The following MPP7 variants were observed in gnomAD, a reference collection of about 807,000 sequenced individuals.
The protein encoded by MPP7 is MAGUK p55 subfamily member 7.
MPP7 carries 60 observed loss-of-function variants against 76.5 expected under a neutral mutation model. The ratio of observed to expected loss-of-function variants is 0.78; its 90% CI spans 0.64 to 0.97. The LOEUF (loss-of-function observed/expected upper bound fraction) is 0.97, where lower values mean the gene tolerates loss of function less well. Ranked by LOEUF, MPP7 falls within the 50% of genes least tolerant of loss-of-function variation. The probability of loss-of-function intolerance (pLI) is 0.00; values close to 1 mark genes in which losing one functional copy is unlikely to be tolerated. For synonymous variants in MPP7, 237 were observed against 244.5 expected (o/e 0.97, Z 0.29); for missense variants, 641 against 694.0 (o/e 0.92, Z 0.86).
At chr10:28,321,511 T>C (rs1184073805) in intron 2 of MPP7, among the ~76,000 whole-genome samples, 1 of 152,234 alleles carries the variant, frequency 6.6e-6, no homozygotes, top group East Asian at 1.9e-4. Flanking sequence ...GTCAAACTGG[T>C]CTGCCTCATG....
intron 2 of MPP7, among the ~76,000 whole-genome samples, chr10:28,221,741 G>T (rs1838514745): frequency 6.6e-6 from 1 of 152,152 alleles, no homozygotes; most frequent in South Asian, 2.1e-4. Flanking sequence ...ACCTTAGGTA[G>T]TCTGTGCCTT....
chr10:28,288,750 G>A (rs1472277631), intron 1 of MPP7, among the ~76,000 whole-genome samples: 3 of 152,136 alleles, frequency 2.0e-5, no homozygotes, highest in Non-Finnish European at 2.9e-5. Flanking sequence ...TTGTTCAAGT[G>A]AGCCTTCAGG....
At chr10:28,223,689 A>C (rs1838595247) in intron 2 of MPP7, among the ~76,000 whole-genome samples, 1 of 152,084 alleles carries the variant, frequency 6.6e-6, no homozygotes, top group Non-Finnish European at 1.5e-5. Context: ...AAAAATAGTA[A>C]TGCAAACATA....
intron 11 of MPP7, among the ~76,000 whole-genome samples, chr10:28,095,729 TA>T (rs1437264560): frequency 1.9e-4 from 29 of 152,342 alleles, no homozygotes; most frequent in African/African-American, 7.0e-4. Flanking sequence ...GCAAAAGTTT[TA>T]GCAAGAGCTG....
intron 4 of MPP7, among the ~76,000 whole-genome samples, chr10:28,148,794 G>A (rs1835789776): frequency 6.6e-6 from 1 of 152,040 alleles, no homozygotes; most frequent in South Asian, 2.1e-4. Context: ...TTTTTATAAA[G>A]GAATATTTTT....
intron 3 of MPP7, among the ~76,000 whole-genome samples, chr10:28,164,425 T>C (rs1781835): frequency 0.75 from 113,474 of 151,898 alleles, 42,543 homozygotes; most frequent in Middle Eastern, 0.84. Flanking sequence ...AGGCTTTTCT[T>C]GGTGAGAACT....
At chr10:28,316,990 C>T (rs544158407) in intron 2 of MPP7, among the ~76,000 whole-genome samples, 3 of 152,160 alleles carry the variant, frequency 2.0e-5, no homozygotes, top group Admixed American at 1.3e-4. Flanking sequence ...GCTGTACCCA[C>T]GCATGTATGT....
chr10:28,235,813 T>C (rs1416034461), intron 2 of MPP7, among the ~76,000 whole-genome samples: 2 of 152,238 alleles, frequency 1.3e-5, no homozygotes. Flanking sequence ...AGAAATGTTA[T>C]TATTTAAGGA....
upstream of MPP7, among the ~76,000 whole-genome samples, chr10:28,303,842 A>G (rs747853305): frequency 6.6e-6 from 1 of 152,332 alleles, no homozygotes; most frequent in Non-Finnish European, 1.5e-5. Flanking sequence ...CTCTTAAAGA[A>G]CTTTACATAT....
chr10:28,153,440 C>G (rs561638840), intron 3 of MPP7, among the ~76,000 whole-genome samples: 1 of 151,910 alleles, frequency 6.6e-6, no homozygotes, highest in Non-Finnish European at 1.5e-5. Context: ...AGTCAGGACA[C>G]GCTAAAATAT....
intron 1 of MPP7, among the ~76,000 whole-genome samples, chr10:28,257,458 A>T (rs1184299231): frequency 1.3e-5 from 2 of 151,882 alleles, no homozygotes; most frequent in African/African-American, 4.8e-5. Flanking sequence ...ACATGGATGA[A>T]ATTGGAAATC....
chr10:28,150,120 C>T (rs1459853473), intron 3 of MPP7, 61 bp from the exon 4 acceptor site: 2 of 1,135,448 alleles, frequency 1.8e-6, no homozygotes, highest in Non-Finnish European at 2.6e-6. Flanking sequence ...GATAGCTGCA[C>T]ATTTTTATAC....
intron 2 of MPP7, among the ~76,000 whole-genome samples, chr10:28,223,229 T>C (rs528267968): frequency 1.9e-4 from 29 of 152,316 alleles, no homozygotes; most frequent in Middle Eastern, 3.4e-3. Context: ...TCACTTGTTA[T>C]AGCATTTTCT....
intron 12 of MPP7, among the ~76,000 whole-genome samples, chr10:28,084,484 C>A (rs1852911335): frequency 6.6e-6 from 1 of 152,126 alleles, no homozygotes; most frequent in Non-Finnish European, 1.5e-5. Flanking sequence ...GCTCTCTGAC[C>A]CCACCTCAGG....
chr10:28,118,335 A>G, intron 11 of MPP7: 1 of 975,522 alleles, frequency 1.0e-6, no homozygotes, highest in Non-Finnish European at 1.2e-6. Flanking sequence ...ATGAAAATTT[A>G]TAATAATATC....
intron 6 of MPP7, 80 bp downstream of exon 6, chr10:28,131,480 T>G (rs1253355169): frequency 1.5e-5 from 18 of 1,208,004 alleles, no homozygotes; most frequent in Non-Finnish European, 1.1e-6. Context: ...GGAAGTATAT[T>G]TTAAAGAGTT....
intron 2 of MPP7, among the ~76,000 whole-genome samples, chr10:28,212,609 A>C (rs986386308): frequency 4.9e-4 from 74 of 152,300 alleles, no homozygotes; most frequent in African/African-American, 1.7e-3. Context: ...CAGGAGCATG[A>C]GTGTAGACAC....
intron 2 of MPP7, among the ~76,000 whole-genome samples, chr10:28,314,281 GTTCAC>G (rs1841306818): frequency 6.6e-6 from 1 of 152,178 alleles, no homozygotes; most frequent in Non-Finnish European, 1.5e-5. Context: ...GCCTCTCAGA[GTTCAC>G]AGAATTCTGA....
intron 9 of MPP7, 67 bp from the exon 10 acceptor site, chr10:28,120,457 C>A: frequency 2.0e-6 from 3 of 1,499,460 alleles, no homozygotes; most frequent in South Asian, 2.4e-5. Context: ...CTATATTCTC[C>A]TAACTCCGAC....
Sources: gnomAD v4.1 joint callset for allele counts (sites outside exome capture counted in the v4.1 genomes callset) on GRCh38, gnomAD v4.1.1 for gene constraint, MANE v1.5 for transcripts, NCBI Gene and HGNC (gene_info 2026-07-23, HGNC 2026-07-21) for gene names.